RPH3AL: variants seen among roughly 807,000 people sequenced by gnomAD.
The protein encoded by RPH3AL is rab effector Noc2.
In RPH3AL, 38 loss-of-function variants were observed where a neutral mutation model predicts 43.1. That is an observed-to-expected ratio of 0.88 (90% CI 0.68 to 1.15). The LOEUF is 1.15. RPH3AL is among the 50% of genes most tolerant of loss of function. RPH3AL has a pLI of 0.00. For missense variants in RPH3AL, 462 were observed against 423.2 expected, an observed-to-expected ratio of 1.09 and a Z score of -0.81; for synonymous variants, 189 against 176.3, an observed-to-expected ratio of 1.07 and a Z score of -0.57.
At chr17:229,075 G>T (rs989363098) in intron 7 of RPH3AL, among the ~76,000 whole-genome samples, 2 of 152,140 alleles carry the variant, frequency 1.3e-5, no homozygotes, top group South Asian at 4.1e-4. Flanking sequence ...TAAAAAATTA[G>T]AATCTAATCC....
At chr17:286,569 G>A (rs920214735) in intron 5 of RPH3AL, among the ~76,000 whole-genome samples, 4 of 152,206 alleles carry the variant, frequency 2.6e-5, no homozygotes, top group Admixed American at 6.5e-5. Flanking sequence ...CAATGGGCTC[G>A]GTCTTTGTTC....
chr17:219,085 T>C (rs2151497666), intron 8 of RPH3AL, among the ~76,000 whole-genome samples: 1 of 151,358 alleles, frequency 6.6e-6, no homozygotes, highest in Non-Finnish European at 1.5e-5. Flanking sequence ...GAGCCTGTTG[T>C]CCCATCCCTA....
rs73971666 is a variant in RPH3AL at position 234,667 on chromosome 17, C to G, written c.613+12444G>C. ...TCCGCCTCCTTCTGCAAGCTCCAGC[C>G]CCCCCGGCCCCGGTGTGTACAACAC... On this transcript the variant is annotated intron_variant, in intron 7 of 9. Transcript: ENST00000331302. The G allele has an allele frequency of 1.7e-4, 26 of 154,262 alleles. 1 individual carries two copies. The South Asian group carries it at 3.7e-3, about 22-fold the overall frequency. 9.6% of individuals were successfully genotyped at this position (154,262 alleles called of 1,614,324 possible).
chr17:273,148 AGGGT>A (rs2042550527), intron 6 of RPH3AL, among the ~76,000 whole-genome samples: 1 of 26,542 alleles, frequency 3.8e-5, no homozygotes, highest in African/African-American at 1.2e-4. Context: ...GACCCCAGCG[AGGGT>A]GATGTCAGGG....
At chr17:266,203 G>GGTGTATGT (rs113860375) in intron 6 of RPH3AL, among the ~76,000 whole-genome samples, 7 of 148,618 alleles carry the variant, frequency 4.7e-5, no homozygotes, top group African/African-American at 1.7e-4. Flanking sequence ...AGGCCCCAGT[G>GGTGTATGT]GTGTGTGTGT....
At chr17:330,883 A>T (rs1261564148) in intron 2 of RPH3AL, 2 of 151,932 alleles carry the variant, frequency 1.3e-5, no homozygotes, top group Non-Finnish European at 2.9e-5. Flanking sequence ...CTCAAAAAAA[A>T]AAAAAAGATC....
chr17:222,547 T>C (rs74751800), intron 7 of RPH3AL, among the ~76,000 whole-genome samples: 8,349 of 152,296 alleles, frequency 0.055, 279 homozygotes, highest in Middle Eastern at 0.092. Flanking sequence ...GGAAACCGTA[T>C]TTGGCTGGGT....
intron 5 of RPH3AL, among the ~76,000 whole-genome samples, chr17:291,569 G>T (rs1784899066): frequency 6.6e-6 from 1 of 152,188 alleles, no homozygotes; most frequent in Non-Finnish European, 1.5e-5. Flanking sequence ...ACGTCTGAAT[G>T]GCCTCGGTGC....
At chr17:286,333 G>A (rs1483008822) in intron 5 of RPH3AL, among the ~76,000 whole-genome samples, 2 of 152,058 alleles carry the variant, frequency 1.3e-5, no homozygotes, top group African/African-American at 2.4e-5. Context: ...TCCCCAGATC[G>A]CGCCTCGGGC....
In RPH3AL at chr17:266,804, T is replaced by C. The variant is rs1028948344; in HGVS notation, c.438+14964A>G. Among the ~76,000 whole-genome samples the C allele has an allele frequency of 2.0e-5, 3 of 152,374 alleles. No homozygotes were observed. In the East Asian group the frequency reaches 5.8e-4, roughly 29 times the overall value. On this transcript the variant is annotated intron_variant, in intron 6 of 9. Transcript: ENST00000331302. Reference sequence around the variant, plus strand: ...TCAGAACTAGAGGAAATGCTTTGGCTTCCATTAACCCCTGGCCGGGGACTG... The same window carrying C: ...TCAGAACTAGAGGAAATGCTTTGGCCTCCATTAACCCCTGGCCGGGGACTG...
intron 1 of RPH3AL, among the ~76,000 whole-genome samples, chr17:349,576 C>G (rs933497195): frequency 6.6e-6 from 1 of 152,156 alleles, no homozygotes; most frequent in African/African-American, 2.4e-5. Context: ...AATCCCAACA[C>G]TTTGGGAGGC....
At chr17:265,347 C>T (rs1466703961) in intron 6 of RPH3AL, among the ~76,000 whole-genome samples, 4 of 152,278 alleles carry the variant, frequency 2.6e-5, no homozygotes, top group Middle Eastern at 3.4e-3. Flanking sequence ...CCTCCCACCT[C>T]GGCCTCTCAA....
At chr17:334,654 T>G (rs1265483166) in intron 1 of RPH3AL, among the ~76,000 whole-genome samples, 1 of 127,694 alleles carries the variant, frequency 7.8e-6, no homozygotes. Flanking sequence ...TCCCCACGCC[T>G]TCCCCCAGGG....
intron 1 of RPH3AL, chr17:341,533 A>G (rs904659616): frequency 1.3e-5 from 2 of 152,232 alleles, no homozygotes; most frequent in Admixed American, 6.5e-5. Flanking sequence ...TGCAAGAGCT[A>G]AAACTATGAA....
intron 5 of RPH3AL, among the ~76,000 whole-genome samples, chr17:309,804 A>G (rs2043600007): frequency 6.6e-6 from 1 of 151,952 alleles, no homozygotes; most frequent in Non-Finnish European, 1.5e-5. Context: ...TCTCAGCAGG[A>G]CACATCCCCT....
intron 5 of RPH3AL, 101 bp downstream of exon 5, chr17:319,319 G>T: frequency 1.4e-6 from 2 of 1,392,708 alleles, no homozygotes; most frequent in Non-Finnish European, 1.9e-6. Context: ...CATGCCCAAC[G>T]CAGACATACA....
intron 5 of RPH3AL, among the ~76,000 whole-genome samples, chr17:295,026 G>C (rs868765704): frequency 8.1e-6 from 1 of 123,228 alleles, no homozygotes; most frequent in South Asian, 2.9e-4. Flanking sequence ...CAGTGTGGGA[G>C]GGACAGAGAT....
intron 5 of RPH3AL, among the ~76,000 whole-genome samples, chr17:318,241 T>C (rs11653393): frequency 0.24 from 36,662 of 151,704 alleles, 6,415 homozygotes; most frequent in African/African-American, 0.49. Context: ...AATTAGCCGG[T>C]AGTGGTGGCA....
In RPH3AL at chr17:245,896, T is replaced by C. The variant is rs1181611756; in HGVS notation, c.613+1215A>G. ...CACCAATGTCTGTCCGTGGCAGCGATGTCGGGGGTGAACTCATAGGCAGCA... is the reference window on the plus strand; with the variant it reads ...CACCAATGTCTGTCCGTGGCAGCGACGTCGGGGGTGAACTCATAGGCAGCA... On this transcript the variant is annotated intron_variant, in intron 7 of 9. Coordinates refer to ENST00000331302, the MANE Select transcript of RPH3AL (RefSeq NM_006987.4). This position sits in a 1 kb window ranked among gnomAD's most constrained non-coding sequence, Gnocchi z 5.9. Among the ~76,000 whole-genome samples the C allele has an allele frequency of 6.6e-6, 1 of 152,068 alleles. No homozygotes were observed. The highest frequency in any genetic ancestry group is 1.5e-5 in the Non-Finnish European group (1 of 67,992).
Sources: allele counts gnomAD v4.1 joint callset (sites outside exome capture counted in the v4.1 genomes callset), GRCh38; gene constraint gnomAD v4.1.1; non-coding constraint Gnocchi (gnomAD v3.1); transcripts MANE v1.5; gene names NCBI Gene and HGNC (gene_info 2026-07-23, HGNC 2026-07-21).